TSPEAR: variants seen among roughly 807,000 people sequenced by gnomAD.
TSPEAR encodes thrombospondin-type laminin G domain and EAR repeat-containing protein.
In TSPEAR, 69 loss-of-function variants were observed where a neutral mutation model predicts 71.6. The observed-to-expected ratio is 0.96, with a 90% confidence interval of 0.79 to 1.18. The LOEUF is 1.18. Ranked by LOEUF, TSPEAR falls within the 50% of genes most tolerant of loss-of-function variation. The pLI is 0.00. For synonymous variants in TSPEAR, 402 were observed against 387.2 expected, an observed-to-expected ratio of 1.04 and a Z score of -0.45; for missense variants, 971 against 894.9, an observed-to-expected ratio of 1.09 and a Z score of -1.09.
rs781928633 is a variant in TSPEAR at position 44,531,184 on chromosome 21, G to A, written c.543-51C>T. The stretch of plus-strand genomic sequence containing the variant: ...GGGCCATAGGAGAGTGGTCACCCCA[G>A]TTTACTCACAGAAGGAACAGGAACA... On this transcript the variant is annotated intron_variant, in intron 3 of 11. Transcript: ENST00000323084. 8.2e-6 allele frequency: 12 copies of A among 1,456,080 alleles called. No individual in the cohort carries two copies. The South Asian group carries it at 1.3e-4, about 16-fold the overall frequency. The allele number at this position is 1,456,080 out of a possible 1,614,324, so 90.2% of individuals were successfully genotyped here. A position where few individuals can be genotyped will look rare whatever the true frequency, so the allele number is the denominator to read the frequency against.
chr21:44,529,084 C>T (rs890089891), intron 5 of TSPEAR, among the ~76,000 whole-genome samples: 25 of 152,182 alleles, frequency 1.6e-4, no homozygotes, highest in Non-Finnish European at 3.4e-4. Flanking sequence ...TGCTGGCCAG[C>T]GGTGTGACAC....
chr21:44,543,410 A>G (rs1555917421), intron 2 of TSPEAR, among the ~76,000 whole-genome samples: 1 of 152,246 alleles, frequency 6.6e-6, no homozygotes, highest in African/African-American at 2.4e-5. Flanking sequence ...TCATGGATTC[A>G]TGTTATAATC....
Position 44,532,655 on chromosome 21 carries a change from T to G in TSPEAR, c.542+1030A>C, listed in dbSNP as rs1002478587. Among the ~76,000 whole-genome samples the G allele has an allele frequency of 4.6e-5, 7 of 152,358 alleles. No individual in the cohort carries two copies. The East Asian group carries it at 7.7e-4, about 17-fold the overall frequency. ...AATTTAATATTTAATAGATTTAATA[T>G]AAACTGGATCATTTGCAATTAAAAA... On this transcript the variant is annotated intron_variant, in intron 3 of 11. Coordinates refer to ENST00000323084, the MANE Select transcript of TSPEAR (RefSeq NM_144991.3).
intron 2 of TSPEAR, among the ~76,000 whole-genome samples, chr21:44,566,324 T>A (rs1223827230): frequency 2.0e-5 from 3 of 152,196 alleles, no homozygotes; most frequent in Non-Finnish European, 4.4e-5. Context: ...CTGAAAACTA[T>A]AAAACATTAT....
intron 1 of TSPEAR, among the ~76,000 whole-genome samples, chr21:44,665,384 C>T (rs1015172366): frequency 3.3e-5 from 5 of 152,212 alleles, no homozygotes; most frequent in Non-Finnish European, 7.3e-5. Context: ...AACGTTTAAC[C>T]TGAGACAGTC....
intron 1 of TSPEAR, among the ~76,000 whole-genome samples, chr21:44,605,538 C>T (rs1336465238): frequency 6.6e-6 from 1 of 152,160 alleles, no homozygotes; most frequent in Non-Finnish European, 1.5e-5. Context: ...GCATCACACT[C>T]CCTAATTTCA....
intron 1 of TSPEAR, among the ~76,000 whole-genome samples, chr21:44,684,149 A>G (rs8127265): frequency 0.64 from 97,484 of 152,098 alleles, 31,405 homozygotes; most frequent in South Asian, 0.72. Flanking sequence ...CTGGCTTCTC[A>G]TGAGAAACAG....
rs1979764949 is a variant in TSPEAR, at chr21:44,590,988, CAG to C, written c.83-22985_83-22984del. 2.0e-5 allele frequency among the ~76,000 whole-genome samples: 3 copies of C among 152,106 alleles called. No individual in the cohort carries two copies. The South Asian group carries it at 6.2e-4, about 32-fold the overall frequency. ...GTCCACAGACAGGATGAAAAGTCGA[CAG>C]AGACAGAGGGGTGGAGCCAGGCCTG... is the stretch of plus-strand genomic sequence containing the variant. On this transcript the variant is annotated intron_variant, in intron 1 of 11. Transcript: ENST00000323084.
Position 44,644,396 on chromosome 21 carries a change from C to T in TSPEAR, c.82+67037G>A, listed in dbSNP as rs373020053. Among the ~76,000 whole-genome samples, 23 of 152,178 alleles carry T rather than the reference C, an allele frequency of 1.5e-4. No individual in the cohort carries two copies. The East Asian group carries it at 3.7e-3, about 24-fold the overall frequency. On this transcript the variant is annotated intron_variant, in intron 1 of 11. Transcript: ENST00000323084. ...CACCAAGTCCTTCAGTCCCAGAAAG[C>T]GGATTAAGCACACAGATCTCACACA...
intron 1 of TSPEAR, among the ~76,000 whole-genome samples, chr21:44,656,381 G>A (rs1212022904): frequency 6.6e-6 from 1 of 152,180 alleles, no homozygotes; most frequent in African/African-American, 2.4e-5. Flanking sequence ...ATTTCTCCCA[G>A]CTTTTGCTCT....
At chr21:44,605,878 T>C (rs76392367) in intron 1 of TSPEAR, among the ~76,000 whole-genome samples, 2,337 of 152,236 alleles carry the variant, frequency 0.015, 45 homozygotes, top group African/African-American at 0.053. Context: ...AAATCTCCAT[T>C]ACATTGGTCC....
intron 1 of TSPEAR, chr21:44,697,980 G>T: frequency 6.3e-7 from 1 of 1,582,522 alleles, no homozygotes; most frequent in Non-Finnish European, 8.6e-7. Flanking sequence ...TGCCAGGCAT[G>T]TCCCCCAGGG....
At chr21:44,661,502 G>T (rs1985495268) in intron 1 of TSPEAR, among the ~76,000 whole-genome samples, 1 of 152,128 alleles carries the variant, frequency 6.6e-6, no homozygotes, top group Non-Finnish European at 1.5e-5. Flanking sequence ...TACAGTAAAG[G>T]TATGTATTGT....
intron 1 of TSPEAR, chr21:44,591,558 G>A (rs182188411): frequency 2.7e-5 from 43 of 1,612,732 alleles, no homozygotes; most frequent in Non-Finnish European, 3.6e-5. Flanking sequence ...TGCACACAGG[G>A]TGGCAGAGGA....
intron 1 of TSPEAR, among the ~76,000 whole-genome samples, chr21:44,706,023 C>A (rs1363651419): frequency 3.9e-5 from 6 of 152,162 alleles, no homozygotes; most frequent in Non-Finnish European, 8.8e-5. Flanking sequence ...CCCTTTATTT[C>A]TCAAGCCAGT....
At chr21:44,524,559 G>A (rs1389091212) in intron 8 of TSPEAR, among the ~76,000 whole-genome samples, 1 of 151,122 alleles carries the variant, frequency 6.6e-6, no homozygotes, top group Non-Finnish European at 1.5e-5. Context: ...AGTCAGTGAT[G>A]TAGTCAGGTA....
intron 1 of TSPEAR, chr21:44,575,104 C>T: frequency 8.0e-7 from 1 of 1,242,838 alleles, no homozygotes; most frequent in Non-Finnish European, 1.1e-6. Context: ...TGCTCCTGCA[C>T]TTTGACCATT....
intron 1 of TSPEAR, among the ~76,000 whole-genome samples, chr21:44,568,955 G>A (rs1439964475): frequency 2.0e-5 from 3 of 152,170 alleles, no homozygotes; most frequent in Non-Finnish European, 2.9e-5. Context: ...TGTAGGGAAT[G>A]TCATGGATTC....
rs182052286 is a variant in TSPEAR, at chr21:44,596,202, T to C, written c.83-28197A>G. Among the ~76,000 whole-genome samples, 134 of 152,366 alleles carry C rather than the reference T, an allele frequency of 8.8e-4. 1 individual carries two copies. The highest frequency in any genetic ancestry group is 1.2e-3 in the South Asian group (6 of 4,830). On this transcript the variant is annotated intron_variant, in intron 1 of 11. Transcript: ENST00000323084. Reference sequence around the variant, plus strand: ...CTGTCAACTGGAGGCTGCCATCATCTCTTTCCATGCGGCCTCAACGGGCAG... The same window carrying C: ...CTGTCAACTGGAGGCTGCCATCATCCCTTTCCATGCGGCCTCAACGGGCAG...
Sources: allele counts gnomAD v4.1 joint callset (sites outside exome capture counted in the v4.1 genomes callset), GRCh38; gene constraint gnomAD v4.1.1; transcripts MANE v1.5; gene names NCBI Gene and HGNC (gene_info 2026-07-23, HGNC 2026-07-21).